The following CPNE4 variants were observed in gnomAD, a reference collection of about 807,000 sequenced individuals.
The protein encoded by CPNE4 is copine-4.
CPNE4 carries 25 observed loss-of-function variants against 67.9 expected under a neutral mutation model. The ratio of observed to expected loss-of-function variants is 0.37; its 90% CI spans 0.27 to 0.51. CPNE4 has a LOEUF of 0.51. CPNE4 is among the 20% of genes least tolerant of loss of function. The pLI is 0.93. For missense variants in CPNE4, 464 were observed against 690.8 expected (o/e 0.67, Z 3.68); for synonymous variants, 242 against 244.9 (o/e 0.99, Z 0.11).
chr3:131,890,764 T>C (rs961614839), intron 2 of CPNE4, among the ~76,000 whole-genome samples: 2 of 152,096 alleles, frequency 1.3e-5, no homozygotes, highest in African/African-American at 2.4e-5. Context: ...TTACCTAGCA[T>C]TGAAAAATAA....
rs72379879 is a variant in CPNE4 at position 131,631,897 on chromosome 3, C to CTTTT, written c.681+37774_681+37777dup. On this transcript the variant is annotated intron_variant, in intron 7 of 15. Transcript: ENST00000429747. ...TATCCCCCCTCCCCAACACTTTTTT[C>CTTTT]TTTTTTCTTTTTTTTTGAGACAGAG... 1.9e-4 allele frequency among the ~76,000 whole-genome samples: 27 copies of CTTTT among 144,520 alleles called. 2 individuals carry two copies. Among genetic ancestry groups the CTTTT allele is most frequent in the African/African-American group, 6.0e-4 (22 of 36,462 alleles). The allele number at this position is 144,520 out of a possible 152,430, so 94.8% of individuals were successfully genotyped here.
intron 7 of CPNE4, among the ~76,000 whole-genome samples, chr3:131,631,338 G>A (rs2079216237): frequency 6.6e-6 from 1 of 152,126 alleles, no homozygotes; most frequent in African/African-American, 2.4e-5. Flanking sequence ...TCTCTCCGGG[G>A]ATTTTTGGTT....
At chr3:131,628,353 A>G (rs1242437564) in intron 7 of CPNE4, among the ~76,000 whole-genome samples, 4 of 152,210 alleles carry the variant, frequency 2.6e-5, no homozygotes, top group South Asian at 2.1e-4. Flanking sequence ...CACTTCTTAC[A>G]TGGTGGCAAC....
At chr3:131,579,200 T>C (rs953630020) in intron 9 of CPNE4, among the ~76,000 whole-genome samples, 1 of 152,214 alleles carries the variant, frequency 6.6e-6, no homozygotes, top group Non-Finnish European at 1.5e-5. Context: ...TTATGCTATA[T>C]CTACTCTGCC....
chr3:131,582,037 A>C (rs1937874150), intron 8 of CPNE4, among the ~76,000 whole-genome samples: 1 of 152,214 alleles, frequency 6.6e-6, no homozygotes, highest in Non-Finnish European at 1.5e-5. Context: ...GGCACATGTC[A>C]ATGCTTACTA....
At chr3:131,783,927 G>A (rs1361011598) in intron 2 of CPNE4, among the ~76,000 whole-genome samples, 4 of 152,088 alleles carry the variant, frequency 2.6e-5, no homozygotes, top group Non-Finnish European at 5.9e-5. Context: ...TCTATTTCAG[G>A]TTTTCCAGGA....
intron 3 of CPNE4, among the ~76,000 whole-genome samples, chr3:131,701,144 A>C (rs1269201540): frequency 6.6e-6 from 1 of 151,462 alleles, no homozygotes; most frequent in Non-Finnish European, 1.5e-5. Flanking sequence ...ACCTAATGTA[A>C]ATGATGAGTT....
chr3:131,533,945 C>T lies in CPNE4; in HGVS notation c.*1250G>A, dbSNP rs1183770078. 5.3e-5 allele frequency: 8 copies of T among 152,156 alleles called. No homozygotes were observed. The highest frequency in any genetic ancestry group is 6.5e-5 in the Admixed American group (1 of 15,278). The allele number at this position is 152,156 out of a possible 1,614,324, so 9.4% of individuals were successfully genotyped here. ...CAGCTTATATTGAAACAAAACACCTCGACCCCAGACAATAATTCCAGGCAT... is the reference window on the plus strand; with the variant it reads ...CAGCTTATATTGAAACAAAACACCTTGACCCCAGACAATAATTCCAGGCAT... On this transcript the variant is annotated 3_prime_UTR_variant, in exon 16 of 16. Coordinates refer to ENST00000429747, the MANE Select transcript of CPNE4 (RefSeq NM_130808.3).
chr3:131,610,179 A>C (rs763964262), intron 7 of CPNE4, among the ~76,000 whole-genome samples: 2 of 152,124 alleles, frequency 1.3e-5, no homozygotes, highest in Admixed American at 6.6e-5. Context: ...ACTGTAGATA[A>C]AATGATGAAC....
At chr3:131,794,405 C>A (rs1210317758) in intron 2 of CPNE4, among the ~76,000 whole-genome samples, 1 of 152,008 alleles carries the variant, frequency 6.6e-6, no homozygotes, top group Non-Finnish European at 1.5e-5. Flanking sequence ...TCACCATGCC[C>A]AGCTAATTTT....
At chr3:131,926,909 G>A (rs1403755281) in intron 1 of CPNE4, among the ~76,000 whole-genome samples, 1 of 152,140 alleles carries the variant, frequency 6.6e-6, no homozygotes, top group East Asian at 1.9e-4. Flanking sequence ...TTGGGCGAAG[G>A]AGTAGGGGTC....
At chr3:132,020,752 G>A (rs1175101810) in intron 1 of CPNE4, among the ~76,000 whole-genome samples, 1 of 152,080 alleles carries the variant, frequency 6.6e-6, no homozygotes, top group Non-Finnish European at 1.5e-5. Context: ...TATGATTTTG[G>A]TACATGAGTG....
chr3:131,960,757 G>A (rs139041095), intron 1 of CPNE4, among the ~76,000 whole-genome samples: 577 of 152,164 alleles, frequency 3.8e-3, no homozygotes, highest in Non-Finnish European at 7.1e-3. Context: ...TCCACATCCT[G>A]ATTATTTCAT....
chr3:131,871,135 A>G, intron 2 of CPNE4, among the ~76,000 whole-genome samples: 1 of 152,176 alleles, frequency 6.6e-6, no homozygotes, highest in Admixed American at 6.5e-5. Context: ...TAATCCCTGG[A>G]TGAAATAAGA....
chr3:131,821,448 T>C (rs2084956303), intron 2 of CPNE4, among the ~76,000 whole-genome samples: 2 of 152,236 alleles, frequency 1.3e-5, no homozygotes, highest in Admixed American at 1.3e-4. Flanking sequence ...TCTGCTGATG[T>C]AGCTGCTGCG....
chr3:131,903,397 T>C (rs1313521524), intron 2 of CPNE4, among the ~76,000 whole-genome samples: 4 of 141,310 alleles, frequency 2.8e-5, no homozygotes, highest in Non-Finnish European at 6.2e-5. Flanking sequence ...ACTAGGTACC[T>C]AGATGCAAAA....
At chr3:131,748,982 ATTTCC>A (rs2082558428) in intron 2 of CPNE4, among the ~76,000 whole-genome samples, 1 of 149,224 alleles carries the variant, frequency 6.7e-6, no homozygotes, top group African/African-American at 2.5e-5. Flanking sequence ...TATCTTCATT[ATTTCC>A]TTCTTTCTTC....
chr3:131,941,901 G>C (rs1429463416), intron 1 of CPNE4, among the ~76,000 whole-genome samples: 9 of 151,910 alleles, frequency 5.9e-5, no homozygotes, highest in Non-Finnish European at 8.8e-5. Context: ...GTTTTAATTA[G>C]CTTTAAAAGA....
intron 1 of CPNE4, among the ~76,000 whole-genome samples, chr3:131,952,947 A>C (rs2071811673): frequency 6.6e-6 from 1 of 151,982 alleles, no homozygotes; most frequent in African/African-American, 2.4e-5. Context: ...CTTACCCCCA[A>C]CCCTGTGCTC....
Sources: gnomAD v4.1 joint callset for allele counts (sites outside exome capture counted in the v4.1 genomes callset) on GRCh38, gnomAD v4.1.1 for gene constraint, MANE v1.5 for transcripts, NCBI Gene and HGNC (gene_info 2026-07-23, HGNC 2026-07-21) for gene names.